Variants in APH1B observed in about 807,000 individuals in gnomAD.
APH1B encodes gamma-secretase subunit APH-1B.
Under a neutral mutation model 28.2 loss-of-function variants are expected in APH1B, and 27 were observed. That is an observed-to-expected ratio of 0.96 (90% CI 0.70 to 1.32). The LOEUF (loss-of-function observed/expected upper bound fraction) is 1.32, where lower values mean the gene tolerates loss of function less well. Among genes scored for constraint, APH1B ranks in the 40% most tolerant of loss-of-function variants. APH1B has a pLI of 0.00. For missense variants in APH1B, 305 were observed against 313.6 expected, an observed-to-expected ratio of 0.97 and a Z score of 0.21; for synonymous variants, 141 against 124.6, an observed-to-expected ratio of 1.13 and a Z score of -0.88.
chr15:63,278,802 C>T (rs1435519110), intron 1 of APH1B, among the ~76,000 whole-genome samples: 1 of 152,134 alleles, frequency 6.6e-6, no homozygotes, highest in African/African-American at 2.4e-5. Context: ...TGTGTATTTT[C>T]TTGTTTTGGC....
chr15:63,294,785 C>T (rs565666247), intron 4 of APH1B, among the ~76,000 whole-genome samples: 4 of 152,288 alleles, frequency 2.6e-5, no homozygotes, highest in East Asian at 3.9e-4. Flanking sequence ...GAATATTTTT[C>T]GTGAGATCAA....
intron 2 of APH1B, among the ~76,000 whole-genome samples, chr15:63,282,839 G>T (rs973016539): frequency 1.7e-4 from 26 of 152,110 alleles, no homozygotes; most frequent in African/African-American, 5.8e-4. Flanking sequence ...TTCTGAAAAT[G>T]GCGTATTTAA....
intron 2 of APH1B, 127 bp from the exon 3 acceptor site, chr15:63,286,431 G>C (rs1281157056): frequency 2.7e-6 from 2 of 742,134 alleles, no homozygotes; most frequent in African/African-American, 3.7e-5. Context: ...TACAGATTTA[G>C]AGTATAACCT....
intron 2 of APH1B, among the ~76,000 whole-genome samples, chr15:63,280,950 A>G (rs1159537005): frequency 6.6e-6 from 1 of 152,180 alleles, no homozygotes; most frequent in African/African-American, 2.4e-5. Context: ...GGATTTCGAG[A>G]CTAGCCTGGG....
intron 5 of APH1B, among the ~76,000 whole-genome samples, chr15:63,302,937 T>C (rs1012805228): frequency 1.3e-5 from 2 of 152,208 alleles, no homozygotes; most frequent in African/African-American, 4.8e-5. Flanking sequence ...AATCTTCGTA[T>C]CCTCAATTCA....
chr15:63,297,927 A>G (rs2038585032), intron 4 of APH1B, among the ~76,000 whole-genome samples: 1 of 152,224 alleles, frequency 6.6e-6, no homozygotes, highest in Admixed American at 6.5e-5. Flanking sequence ...TGAGCCGAGT[A>G]TGAACATAGC....
chr15:63,285,646 A>C (rs1212478518), intron 2 of APH1B, among the ~76,000 whole-genome samples: 1 of 152,134 alleles, frequency 6.6e-6, no homozygotes, highest in African/African-American at 2.4e-5. Context: ...ATTTTATTTT[A>C]TTTTTAATAG....
chr15:63,280,397 T>G (rs900943245), intron 2 of APH1B, among the ~76,000 whole-genome samples: 16 of 152,236 alleles, frequency 1.1e-4, no homozygotes, highest in Non-Finnish European at 2.1e-4. Flanking sequence ...ATAAATGTGC[T>G]GTCTTTTTTC....
chr15:63,302,236 ACT>A, intron 4 of APH1B, 107 bp from the exon 5 acceptor site: 4 of 1,347,886 alleles, frequency 3.0e-6, no homozygotes, highest in Non-Finnish European at 4.0e-6. Flanking sequence ...GTGGTGTTAA[ACT>A]CTCTTGCTGA....
intron 2 of APH1B, among the ~76,000 whole-genome samples, chr15:63,286,158 C>G (rs887542407): frequency 6.6e-6 from 1 of 151,882 alleles, no homozygotes; most frequent in Non-Finnish European, 1.5e-5. Flanking sequence ...AAAGTGCCAA[C>G]AAAGCAGGAA....
At position 63,309,007 on chromosome 15, in the gene APH1B, T is replaced by C. The variant is rs1396374635; in HGVS notation, c.*3226T>C. 3 of 152,238 alleles carry C rather than the reference T, an allele frequency of 2.0e-5. No homozygotes were observed. The highest frequency in any genetic ancestry group is 2.0e-4 in the Admixed American group (3 of 15,282). 9.4% of individuals were successfully genotyped at this position (152,238 alleles called of 1,614,324 possible). A position where few individuals can be genotyped will look rare whatever the true frequency, so the allele number is the denominator to read the frequency against. On this transcript the variant is annotated 3_prime_UTR_variant, in exon 6 of 6. Transcript: ENST00000261879. The stretch of plus-strand genomic sequence containing the variant: ...TGTGTAAAATATGTAATATTTTATA[T>C]GTTATACCATGTCATATATACTTGC...
intron 4 of APH1B, among the ~76,000 whole-genome samples, chr15:63,288,979 G>A (rs1324819692): frequency 6.6e-6 from 1 of 152,066 alleles, no homozygotes; most frequent in African/African-American, 2.4e-5. Context: ...TTCACTAGAT[G>A]GTGCTAATTC....
intron 3 of APH1B, chr15:63,287,079 T>C (rs932604365): frequency 4.0e-6 from 1 of 250,506 alleles, no homozygotes; most frequent in Non-Finnish European, 7.6e-6. Flanking sequence ...ATTTCAGTTC[T>C]AAGCCATCAA....
At chr15:63,278,709 A>T (rs879457349) in intron 1 of APH1B, among the ~76,000 whole-genome samples, 40 of 152,340 alleles carry the variant, frequency 2.6e-4, no homozygotes, top group Middle Eastern at 3.4e-3. Context: ...TCTGGAAAAG[A>T]TACTCATCTT....
intron 1 of APH1B, chr15:63,278,178 C>G: frequency 5.1e-6 from 2 of 395,830 alleles, no homozygotes; most frequent in South Asian, 3.7e-5. Flanking sequence ...TTAAAACATG[C>G]CGATGCCCAC....
Position 63,279,308 on chromosome 15 carries a change from A to G in APH1B, c.261A>G (p.Arg87=), listed in dbSNP as rs769129188. ...FVSVYIQEMF[R]FAYYKLLKKA... ...CTGTCTATATCCAAGAAATGTTCCG[A>G]TTTGCATATTATAAACTCTTAAAGT... is the stretch of plus-strand genomic sequence containing the variant. Residue 87 remains arginine, a synonymous_variant, in exon 2 of 6, where the codon CGA becomes CGG. Coordinates refer to ENST00000261879, the MANE Select transcript of APH1B (RefSeq NM_031301.4). 1.9e-6 allele frequency: 3 copies of G among 1,606,390 alleles called. No homozygotes were observed. The highest frequency in any genetic ancestry group is 2.6e-6 in the Non-Finnish European group (3 of 1,173,996).
At chr15:63,287,240 C>A in intron 3 of APH1B, 184 bp from the exon 4 acceptor site, 1 of 676,652 alleles carries the variant, frequency 1.5e-6, no homozygotes, top group Non-Finnish European at 2.4e-6. Flanking sequence ...CTTTCCTCTT[C>A]CCGCTTCCCT....
At chr15:63,295,998 T>C (rs2038561692) in intron 4 of APH1B, among the ~76,000 whole-genome samples, 2 of 152,234 alleles carry the variant, frequency 1.3e-5, no homozygotes, top group Admixed American at 6.5e-5. Flanking sequence ...CTTTAAACAT[T>C]AAAATAATGT....
chr15:63,299,869 G>GGT (rs952712350), intron 4 of APH1B, among the ~76,000 whole-genome samples: 10 of 152,038 alleles, frequency 6.6e-5, no homozygotes, highest in African/African-American at 2.4e-4. Context: ...AAACGGAGAA[G>GGT]GTGAGCTCTT....
Sources: gnomAD v4.1 joint callset for allele counts (sites outside exome capture counted in the v4.1 genomes callset) on GRCh38, gnomAD v4.1.1 for gene constraint, MANE v1.5 for transcripts, NCBI Gene and HGNC (gene_info 2026-07-23, HGNC 2026-07-21) for gene names.